Variants in RASSF8 observed in about 807,000 individuals in gnomAD.
The protein encoded by RASSF8 is Ras association domain family member 8, also known as ras association domain-containing protein 8.
RASSF8 carries 22 observed loss-of-function variants against 48.5 expected under a neutral mutation model. That is an observed-to-expected ratio of 0.45 (90% CI 0.32 to 0.65). The LOEUF is 0.65. RASSF8 is among the 30% of genes least tolerant of loss of function. RASSF8 has a pLI of 0.03. For synonymous variants in RASSF8, 127 were observed against 171.5 expected (o/e 0.74, Z 2.03); for missense variants, 418 against 489.2 (o/e 0.85, Z 1.37).
chr12:26,005,799 C>T (rs1181206819), intron 2 of RASSF8, among the ~76,000 whole-genome samples: 2 of 152,204 alleles, frequency 1.3e-5, no homozygotes, highest in South Asian at 2.1e-4. Context: ...CTTTTACTTT[C>T]TCCCAGATTT....
intron 2 of RASSF8, among the ~76,000 whole-genome samples, chr12:26,040,854 T>C (rs1209624280): frequency 6.6e-6 from 1 of 152,046 alleles, no homozygotes; most frequent in African/African-American, 2.4e-5. Context: ...TTTATTCTTA[T>C]TTTTTGTTAG....
chr12:25,972,040 G>C (rs1160794672), intron 1 of RASSF8, among the ~76,000 whole-genome samples: 1 of 152,204 alleles, frequency 6.6e-6, no homozygotes, highest in African/African-American at 2.4e-5. Flanking sequence ...GCCCAGCACA[G>C]CTAGTCGTTG....
intron 1 of RASSF8, among the ~76,000 whole-genome samples, chr12:25,963,325 A>C (rs1337350308): frequency 1.6e-5 from 2 of 126,592 alleles, no homozygotes; most frequent in African/African-American, 2.9e-5. Context: ...TTTAGCCAAA[A>C]AAAAAAAAAA....
chr12:26,020,544 T>C (rs1043867689), intron 2 of RASSF8: 2 of 152,180 alleles, frequency 1.3e-5, no homozygotes, highest in African/African-American at 4.8e-5. Flanking sequence ...AAAAGAATAT[T>C]GTTTTCAGTG....
intron 1 of RASSF8, among the ~76,000 whole-genome samples, chr12:25,972,478 A>G (rs555193609): frequency 4.6e-5 from 7 of 152,306 alleles, no homozygotes; most frequent in South Asian, 2.1e-4. Context: ...CATTAGAAAC[A>G]TCTAATGGTT....
intron 2 of RASSF8, among the ~76,000 whole-genome samples, chr12:25,998,147 C>A (rs906593466): frequency 4.6e-5 from 7 of 152,128 alleles, no homozygotes; most frequent in Admixed American, 1.3e-4. Context: ...AATGTTATGA[C>A]TTCCCTATTA....
Position 26,065,189 on chromosome 12 carries a change from C to G in RASSF8, c.795C>G (p.Ile265Met). 1 of 1,614,012 alleles carries G rather than the reference C, an allele frequency of 6.2e-7. No individual in the cohort carries two copies. Among genetic ancestry groups the G allele is most frequent in the Non-Finnish European group, 8.5e-7 (1 of 1,179,958 alleles). Reference protein sequence around the residue: ...ENKLKDYLAQIRTMESGLEAE... With the variant: ...ENKLKDYLAQMRTMESGLEAE... ...AATTAAAGGACTATTTGGCACAGAT[C>G]CGGACTATGGAAAGTGGTCTTGAAG... The change falls in exon 4 of 6, where the codon ATC becomes ATG. Residue 265 changes from isoleucine (I) to methionine (M), a missense_variant. Ile to Met is a conservative substitution (Grantham distance 10, BLOSUM62 1). Transcript: ENST00000689635.
At chr12:25,964,899 G>T (rs7970591) in intron 1 of RASSF8, among the ~76,000 whole-genome samples, 8,091 of 152,032 alleles carry the variant, frequency 0.053, 268 homozygotes, top group Middle Eastern at 0.096. Context: ...AGTGTATAAT[G>T]ACTTCCCTTA....
At position 26,024,818 on chromosome 12, in the gene RASSF8, G is replaced by T. The variant is rs183147113; in HGVS notation, c.-109+29688G>T. ...AAAAAATACAAAAAATTAGCCGGGCGTGGTGGCGGGCGCCTGTAGCCCCAG... is the reference window on the plus strand; with the variant it reads ...AAAAAATACAAAAAATTAGCCGGGCTTGGTGGCGGGCGCCTGTAGCCCCAG... On this transcript the variant is annotated intron_variant, in intron 2 of 5. Transcript: ENST00000689635. Among the ~76,000 whole-genome samples the T allele has an allele frequency of 6.3e-4, 96 of 152,148 alleles. 1 individual carries two copies. Among genetic ancestry groups the T allele is most frequent in the Middle Eastern group, 3.4e-3 (1 of 294 alleles).
At chr12:26,073,435 A>G (rs1944035867), downstream of RASSF8, among the ~76,000 whole-genome samples, 1 of 152,114 alleles carries the variant, frequency 6.6e-6, no homozygotes, top group Non-Finnish European at 1.5e-5. Context: ...TTAAACCTTT[A>G]CTTAGAAATT....
At chr12:26,010,989 G>C (rs1314260473) in intron 2 of RASSF8, among the ~76,000 whole-genome samples, 1 of 152,060 alleles carries the variant, frequency 6.6e-6, no homozygotes, top group Non-Finnish European at 1.5e-5. Context: ...TCCTTCCTTG[G>C]AATCCAAAAG....
chr12:25,982,211 T>C (rs1422610964), intron 1 of RASSF8, among the ~76,000 whole-genome samples: 3 of 152,234 alleles, frequency 2.0e-5, no homozygotes, highest in Non-Finnish European at 4.4e-5. Context: ...TTGTAAATAA[T>C]ATTTTTAAAT....
intron 2 of RASSF8, among the ~76,000 whole-genome samples, chr12:26,044,779 C>T (rs1645901724): frequency 6.6e-6 from 1 of 152,180 alleles, no homozygotes; most frequent in Non-Finnish European, 1.5e-5. Flanking sequence ...ATGAAACACT[C>T]ATTAAACAGT....
chr12:26,043,910 T>TGAGG (rs1591794693), intron 2 of RASSF8, among the ~76,000 whole-genome samples: 1 of 152,168 alleles, frequency 6.6e-6, no homozygotes, highest in East Asian at 1.9e-4. Flanking sequence ...TAGTTGCCTT[T>TGAGG]GAGGGAGGGT....
At chr12:25,968,046 C>T (rs2136844646) in intron 1 of RASSF8, among the ~76,000 whole-genome samples, 1 of 152,330 alleles carries the variant, frequency 6.6e-6, no homozygotes, top group South Asian at 2.1e-4. Context: ...TATGTCAAGT[C>T]CATTGACCCT....
At chr12:26,043,559 G>C (rs1392288849) in intron 2 of RASSF8, among the ~76,000 whole-genome samples, 1 of 152,210 alleles carries the variant, frequency 6.6e-6, no homozygotes, top group Non-Finnish European at 1.5e-5. Context: ...AGGGAGACAG[G>C]ATGGGAAGGC....
At chr12:25,979,042 T>C (rs1385217915) in intron 1 of RASSF8, among the ~76,000 whole-genome samples, 4 of 152,180 alleles carry the variant, frequency 2.6e-5, no homozygotes, top group Non-Finnish European at 5.9e-5. Flanking sequence ...CACTTCTAGA[T>C]GGATATTACC....
At chr12:25,989,801 AG>A (rs1173911644) in intron 1 of RASSF8, among the ~76,000 whole-genome samples, 8 of 151,946 alleles carry the variant, frequency 5.3e-5, no homozygotes, top group African/African-American at 1.9e-4. Context: ...ATGGGGGTGG[AG>A]GAATTATGGT....
At chr12:25,992,546 C>A (rs1942038912) in intron 1 of RASSF8, among the ~76,000 whole-genome samples, 2 of 152,006 alleles carry the variant, frequency 1.3e-5, no homozygotes, top group Non-Finnish European at 2.9e-5. Flanking sequence ...GTGATGAGAT[C>A]ATATTTGAGT....
Sources: allele counts gnomAD v4.1 joint callset (sites outside exome capture counted in the v4.1 genomes callset), GRCh38; gene constraint gnomAD v4.1.1; transcripts MANE v1.5; gene names NCBI Gene and HGNC (gene_info 2026-07-23, HGNC 2026-07-21).